Variants in RIMS2 observed in about 807,000 individuals in gnomAD.
The protein encoded by RIMS2 is regulating synaptic membrane exocytosis 2.
RIMS2 carries 59 observed loss-of-function variants against 174.4 expected under a neutral mutation model. The observed-to-expected ratio is 0.34, with a 90% CI of 0.27 to 0.42. The LOEUF is 0.42. Ranked by LOEUF, RIMS2 falls within the 10% of genes least tolerant of loss-of-function variation. RIMS2 has a pLI of 1.00. For missense variants in RIMS2, 1,620 were observed against 1,666.3 expected (o/e 0.97, Z 0.48); for synonymous variants, 606 against 572.5 (o/e 1.06, Z -0.84).
At chr8:104,181,365 T>C (rs1202063239) in intron 19 of RIMS2, among the ~76,000 whole-genome samples, 2 of 151,640 alleles carry the variant, frequency 1.3e-5, no homozygotes, top group African/African-American at 4.8e-5. Flanking sequence ...CATTCTAAGA[T>C]ATTACTTGTG....
At chr8:104,191,058 G>T (rs577791099) in intron 19 of RIMS2, among the ~76,000 whole-genome samples, 1 of 151,904 alleles carries the variant, frequency 6.6e-6, no homozygotes, top group Non-Finnish European at 1.5e-5. Flanking sequence ...GGAGGCAAAG[G>T]TTTGTTACCT....
intron 1 of RIMS2, among the ~76,000 whole-genome samples, chr8:103,620,437 T>G (rs998240920): frequency 6.6e-6 from 1 of 151,322 alleles, no homozygotes; most frequent in Admixed American, 6.6e-5. Flanking sequence ...AGCTATAATT[T>G]AAAAAAAAAT....
chr8:103,847,406 A>G (rs1459440106), intron 3 of RIMS2, among the ~76,000 whole-genome samples: 1 of 152,126 alleles, frequency 6.6e-6, no homozygotes, highest in African/African-American at 2.4e-5. Context: ...GCATTTTGCT[A>G]TCAGACTAAA....
intron 1 of RIMS2, among the ~76,000 whole-genome samples, chr8:103,675,701 C>T (rs764961144): frequency 5.9e-5 from 9 of 151,984 alleles, no homozygotes; most frequent in Non-Finnish European, 1.0e-4. Flanking sequence ...ATTATGAAGC[C>T]ATTCTTATTT....
intron 14 of RIMS2, among the ~76,000 whole-genome samples, chr8:103,943,892 T>C (rs2083114985): frequency 6.6e-6 from 1 of 152,144 alleles, no homozygotes; most frequent in Admixed American, 6.5e-5. Context: ...ACAAATGCCA[T>C]GTCATTTATT....
intron 1 of RIMS2, among the ~76,000 whole-genome samples, chr8:103,578,989 CAAA>C (rs34203614): frequency 1.2e-4 from 18 of 147,070 alleles, no homozygotes; most frequent in Non-Finnish European, 1.7e-4. Flanking sequence ...GACTCTGTCT[CAAA>C]AAAAAAAAAA....
At chr8:103,919,965 A>G (rs907063845) in intron 9 of RIMS2, among the ~76,000 whole-genome samples, 1 of 152,088 alleles carries the variant, frequency 6.6e-6, no homozygotes, top group African/African-American at 2.4e-5. Flanking sequence ...TTGTACCTAT[A>G]CCATCACATT....
At chr8:103,984,090 C>T (rs2094155218) in intron 16 of RIMS2, among the ~76,000 whole-genome samples, 1 of 151,940 alleles carries the variant, frequency 6.6e-6, no homozygotes, top group South Asian at 2.1e-4. Context: ...AGGAGAATGG[C>T]GTGAACCTGG....
chr8:104,015,407 T>C (rs1188186656), intron 19 of RIMS2: 1 of 686,238 alleles, frequency 1.5e-6, no homozygotes, highest in Non-Finnish European at 2.6e-6. Context: ...TTTTTGTTTT[T>C]ATTTTGTTTT....
At chr8:103,522,432 A>G (rs1417216061) in intron 1 of RIMS2, among the ~76,000 whole-genome samples, 1 of 152,146 alleles carries the variant, frequency 6.6e-6, no homozygotes, top group Non-Finnish European at 1.5e-5. Flanking sequence ...CATGTTAAAC[A>G]GAGTTGTTCT....
chr8:103,608,774 C>T (rs982844914), intron 1 of RIMS2, among the ~76,000 whole-genome samples: 3 of 152,192 alleles, frequency 2.0e-5, no homozygotes, highest in African/African-American at 4.8e-5. Flanking sequence ...TCCGTCACCC[C>T]TTTCTTTGAC....
At chr8:103,990,563 C>A (rs1442920638) in intron 17 of RIMS2, among the ~76,000 whole-genome samples, 1 of 151,932 alleles carries the variant, frequency 6.6e-6, no homozygotes, top group East Asian at 1.9e-4. Context: ...GAAGTTGATG[C>A]TTATCAAGTA....
At chr8:104,130,448 A>G (rs1272614633) in intron 19 of RIMS2, among the ~76,000 whole-genome samples, 1 of 152,188 alleles carries the variant, frequency 6.6e-6, no homozygotes, top group Admixed American at 6.5e-5. Context: ...AACTTTTAGC[A>G]TAGTGGCAGA....
At position 104,187,259 on chromosome 8, in the gene RIMS2, G is replaced by A. The variant is rs547394006; in HGVS notation, c.3335-57657G>A. On this transcript the variant is annotated intron_variant, in intron 19 of 23. Transcript: ENST00000504942. ...TTCTTATAAATTCCAAAATAATTCA[G>A]TGTAGGCACTTGGTTTGTTGTTTGA... Among the ~76,000 whole-genome samples the A allele has an allele frequency of 4.0e-5, 6 of 151,848 alleles. No individual in the cohort carries two copies. The South Asian group carries it at 6.2e-4, about 16-fold the overall frequency.
intron 19 of RIMS2, among the ~76,000 whole-genome samples, chr8:104,114,699 C>CT (rs75711688): frequency 6.0e-5 from 9 of 150,328 alleles, no homozygotes; most frequent in African/African-American, 7.3e-5. Context: ...TGGCAATTGC[C>CT]TTTTTTTTTG....
chr8:103,757,016 A>T (rs918668000), intron 2 of RIMS2, among the ~76,000 whole-genome samples: 261 of 138,110 alleles, frequency 1.9e-3, no homozygotes, highest in African/African-American at 5.1e-3. Flanking sequence ...TGTGTGAGAG[A>T]GAGAGAGAGA....
intron 14 of RIMS2, 127 bp downstream of exon 16, chr8:103,943,053 T>C: frequency 3.0e-6 from 2 of 674,284 alleles, no homozygotes; most frequent in Non-Finnish European, 4.8e-6. Flanking sequence ...TCCATAGCTA[T>C]GAATTGTTTG....
chr8:103,683,155 T>C (rs542474347), intron 1 of RIMS2, among the ~76,000 whole-genome samples: 2 of 152,294 alleles, frequency 1.3e-5, no homozygotes, highest in Admixed American at 6.5e-5. Context: ...GCTGGTAATT[T>C]ATAGGGAAAA....
chr8:103,639,361 C>T (rs2096172532), intron 1 of RIMS2, among the ~76,000 whole-genome samples: 1 of 151,628 alleles, frequency 6.6e-6, no homozygotes, highest in African/African-American at 2.4e-5. Flanking sequence ...TGCATAATTC[C>T]ATGGGTTTTG....
Sources: allele counts gnomAD v4.1 joint callset (sites outside exome capture counted in the v4.1 genomes callset), GRCh38; gene constraint gnomAD v4.1.1; transcripts MANE v1.5; gene names NCBI Gene and HGNC (gene_info 2026-07-23, HGNC 2026-07-21).